AVEN: variants seen among roughly 807,000 people sequenced by gnomAD.
AVEN encodes apoptosis and caspase activation inhibitor.
Under a neutral mutation model 38.1 loss-of-function variants are expected in AVEN, and 41 were observed. The observed-to-expected ratio is 1.08, with a 90% CI of 0.84 to 1.40. The LOEUF (loss-of-function observed/expected upper bound fraction) is 1.40. AVEN is among the 40% of genes most tolerant of loss of function. The pLI, the probability that AVEN is intolerant of heterozygous loss-of-function variation, is 0.00. For missense variants in AVEN, 605 were observed against 438.8 expected (o/e 1.38, Z -3.38); for synonymous variants, 206 against 171.8 (o/e 1.20, Z -1.56).
intron 5 of AVEN, among the ~76,000 whole-genome samples, chr15:34,045,586 G>A (rs753181233): frequency 3.3e-5 from 5 of 152,028 alleles, no homozygotes; most frequent in Non-Finnish European, 7.4e-5. Flanking sequence ...AATATGAGCT[G>A]GTTATCATGA....
chr15:34,001,571 T>C (rs1897139753), intron 2 of AVEN, among the ~76,000 whole-genome samples: 1 of 152,170 alleles, frequency 6.6e-6, no homozygotes, highest in Non-Finnish European at 1.5e-5. Flanking sequence ...AAACCCATAA[T>C]TGGCCAAAAT....
intron 2 of AVEN, among the ~76,000 whole-genome samples, chr15:33,903,757 T>C (rs1402002753): frequency 7.8e-6 from 1 of 128,684 alleles, no homozygotes; most frequent in African/African-American, 2.6e-5. Flanking sequence ...ATATATATTG[T>C]ATATGTGTAT....
At chr15:33,941,575 A>C (rs1392595489) in intron 2 of AVEN, among the ~76,000 whole-genome samples, 1 of 152,226 alleles carries the variant, frequency 6.6e-6, no homozygotes, top group Non-Finnish European at 1.5e-5. Flanking sequence ...GGAACCGCAC[A>C]ATTTACATTA....
chr15:33,915,675 G>A lies in AVEN; in HGVS notation c.446-39680C>T, dbSNP rs373521180. Among the ~76,000 whole-genome samples, 50 of 152,300 alleles carry A rather than the reference G, an allele frequency of 3.3e-4. No individual in the cohort carries two copies. The South Asian group carries it at 5.2e-3, about 16-fold the overall frequency. On this transcript the variant is annotated intron_variant, in intron 2 of 5. Coordinates refer to ENST00000306730, the MANE Select transcript of AVEN (RefSeq NM_020371.3). ...CTCAAAGTTTTCCTGGACAGAACTCGGGAGAGGGGATGAATCAGGAGTGCA... is the reference window on the plus strand; with the variant it reads ...CTCAAAGTTTTCCTGGACAGAACTCAGGAGAGGGGATGAATCAGGAGTGCA...
chr15:33,858,444 T>C (rs1409724646), downstream of AVEN, among the ~76,000 whole-genome samples: 1 of 152,084 alleles, frequency 6.6e-6, no homozygotes, highest in Non-Finnish European at 1.5e-5. Context: ...CGACCTCAGG[T>C]GATCTGCCCA....
chr15:33,892,882 G>T (rs1892046752), intron 2 of AVEN, among the ~76,000 whole-genome samples: 1 of 152,046 alleles, frequency 6.6e-6, no homozygotes, highest in African/African-American at 2.4e-5. Context: ...ATTTGTTTGT[G>T]TCCTCTTTTA....
intron 1 of AVEN, among the ~76,000 whole-genome samples, chr15:34,011,369 T>C (rs941685040): frequency 6.6e-6 from 1 of 152,174 alleles, no homozygotes; most frequent in Non-Finnish European, 1.5e-5. Flanking sequence ...AAAATATATG[T>C]TGTATATTAA....
intron 5 of AVEN, among the ~76,000 whole-genome samples, chr15:34,061,900 A>G (rs1900345232): frequency 6.6e-6 from 1 of 152,198 alleles, no homozygotes; most frequent in African/African-American, 2.4e-5. Flanking sequence ...CTGGGACTAT[A>G]GAATAGATAC....
rs920819559 is a variant in AVEN, at chr15:33,894,664, G to C, written c.446-18669C>G. ...ATCTCTACAGAAATACAAAAAATTA[G>C]GTGGGCATGGCAGCGTGTACCTGTA... On this transcript the variant is annotated intron_variant, in intron 2 of 5. Transcript: ENST00000306730. Among the ~76,000 whole-genome samples the C allele has an allele frequency of 8.6e-5, 12 of 138,966 alleles. 1 individual carries two copies. The highest frequency in any genetic ancestry group is 3.2e-4 in the African/African-American group (12 of 37,236). The allele number at this position is 138,966 out of a possible 152,430, so 91.2% of individuals were successfully genotyped here. A position where few individuals can be genotyped will look rare whatever the true frequency, so the allele number is the denominator to read the frequency against.
downstream of AVEN, chr15:33,865,322 T>A (rs1350011749): frequency 4.8e-6 from 4 of 828,428 alleles, no homozygotes; most frequent in African/African-American, 1.7e-5. Flanking sequence ...AAATGTGACA[T>A]TTTCTAAATG....
chr15:34,038,253 G>A (rs1276682857), intron 1 of AVEN, among the ~76,000 whole-genome samples: 1 of 152,218 alleles, frequency 6.6e-6, no homozygotes, highest in East Asian at 1.9e-4. Flanking sequence ...GAGTCCAGTC[G>A]TAGGGGTCAT....
At position 33,866,453 on chromosome 15, in the gene AVEN, C is replaced by CAGATGTCA. The variant is rs1402781218; in HGVS notation, c.*152_*159dup. 1.7e-6 allele frequency: 1 copy of CAGATGTCA among 602,070 alleles called. No homozygotes were observed. 37.3% of individuals were successfully genotyped at this position (602,070 alleles called of 1,614,324 possible). A position where few individuals can be genotyped will look rare whatever the true frequency, so the allele number is the denominator to read the frequency against. ...AACAAGCTGCTTCAATGTATTCTTT[C>CAGATGTCA]AGATGTCAAACACAGAGGTAGGCAT... On this transcript the variant is annotated 3_prime_UTR_variant, in exon 6 of 6. Transcript: ENST00000306730.
chr15:34,038,833 G>GGGC lies in AVEN; in HGVS notation c.211_213dup (p.Ala71dup). The GGGC allele has an allele frequency of 8.4e-7, 1 of 1,189,582 alleles. No homozygotes were observed. The highest frequency in any genetic ancestry group is 3.4e-5 in the South Asian group (1 of 29,250). 73.7% of individuals were successfully genotyped at this position (1,189,582 alleles called of 1,614,324 possible). ...CCCGGCTCCCGGCGGCTGCCTCGCG[G>GGGC]GGCGCCTCCTCCTCCTCGGCCTCCG... is the stretch of plus-strand genomic sequence containing the variant. On this transcript the variant is annotated inframe_insertion, in exon 1 of 6. Coordinates refer to ENST00000306730, the MANE Select transcript of AVEN (RefSeq NM_020371.3).
intron 2 of AVEN, among the ~76,000 whole-genome samples, chr15:33,997,634 C>T (rs1896990425): frequency 6.6e-6 from 1 of 152,130 alleles, no homozygotes; most frequent in African/African-American, 2.4e-5. Context: ...TCCTTCTGCC[C>T]TGAAAAAATC....
intron 2 of AVEN, among the ~76,000 whole-genome samples, chr15:33,979,830 T>C (rs1390783613): frequency 6.6e-6 from 1 of 152,226 alleles, no homozygotes; most frequent in Non-Finnish European, 1.5e-5. Context: ...ATGCAATGCA[T>C]ATATGCTTAT....
At chr15:33,940,553 T>C (rs915911420) in intron 2 of AVEN, among the ~76,000 whole-genome samples, 2 of 152,146 alleles carry the variant, frequency 1.3e-5, no homozygotes, top group Non-Finnish European at 2.9e-5. Flanking sequence ...AATTCCTTTT[T>C]TTTTTTGAGA....
intron 5 of AVEN, among the ~76,000 whole-genome samples, chr15:34,053,208 G>A (rs1253592863): frequency 3.4e-5 from 5 of 148,322 alleles, no homozygotes; most frequent in African/African-American, 1.2e-4. Context: ...GCTGAGGCAG[G>A]AGAATTGCTT....
chr15:33,891,980 G>C (rs1891992125), intron 2 of AVEN, among the ~76,000 whole-genome samples: 1 of 152,242 alleles, frequency 6.6e-6, no homozygotes, highest in African/African-American at 2.4e-5. Context: ...CTGATGACCA[G>C]TGATGATGAG....
intron 2 of AVEN, among the ~76,000 whole-genome samples, chr15:34,068,620 A>G (rs1567497041): frequency 6.6e-6 from 1 of 152,300 alleles, no homozygotes; most frequent in East Asian, 1.9e-4. Flanking sequence ...TACAGTCCAC[A>G]CTCAAATTTT....
Sources: allele counts gnomAD v4.1 joint callset (sites outside exome capture counted in the v4.1 genomes callset), GRCh38; gene constraint gnomAD v4.1.1; transcripts MANE v1.5; gene names NCBI Gene and HGNC (gene_info 2026-07-23, HGNC 2026-07-21).